TTC28: variants seen among roughly 807,000 people sequenced by gnomAD.
The protein encoded by TTC28 is tetratricopeptide repeat protein 28.
TTC28 carries 61 observed loss-of-function variants against 198.0 expected under a neutral mutation model. That is an observed-to-expected ratio of 0.31 (90% CI 0.25 to 0.38). The LOEUF is 0.38. Among genes scored for constraint, TTC28 ranks in the 10% least tolerant of loss-of-function variants. The pLI is 1.00. For synonymous variants in TTC28, 1,171 were observed against 1,297.8 expected, an observed-to-expected ratio of 0.90 and a Z score of 2.10; for missense variants, 2,678 against 3,164.0, an observed-to-expected ratio of 0.85 and a Z score of 3.69.
chr22:27,985,501 C>T (rs2080880982), intron 21 of TTC28, 145 bp from the exon 22 acceptor site: 4 of 636,038 alleles, frequency 6.3e-6, no homozygotes, highest in Non-Finnish European at 1.1e-5. Context: ...TTCCCCATGT[C>T]TGCACAGAGG....
chr22:28,341,745 G>A (rs1262167615), intron 2 of TTC28, among the ~76,000 whole-genome samples: 1 of 152,010 alleles, frequency 6.6e-6, no homozygotes. Flanking sequence ...AACCGAGATT[G>A]TGCCACTGCA....
At chr22:28,357,973 C>T (rs1439037329) in intron 2 of TTC28, among the ~76,000 whole-genome samples, 6 of 152,150 alleles carry the variant, frequency 3.9e-5, no homozygotes, top group African/African-American at 1.2e-4. Flanking sequence ...TAGGAAATAC[C>T]AAAATCAAAG....
chr22:28,593,178 A>G (rs970046780), intron 2 of TTC28, among the ~76,000 whole-genome samples: 4 of 152,142 alleles, frequency 2.6e-5, no homozygotes, highest in African/African-American at 9.7e-5. Flanking sequence ...GCAGTTTTCC[A>G]GTGAGCTTTT....
At chr22:28,326,893 G>C (rs1227170183) in intron 2 of TTC28, among the ~76,000 whole-genome samples, 1 of 151,490 alleles carries the variant, frequency 6.6e-6, no homozygotes, top group Non-Finnish European at 1.5e-5. Context: ...GTGGAAGATT[G>C]TTTTAAATAT....
chr22:28,329,113 G>A (rs147089513), intron 2 of TTC28, among the ~76,000 whole-genome samples: 11 of 152,140 alleles, frequency 7.2e-5, no homozygotes, highest in East Asian at 5.8e-4. Context: ...TGCTGCATCC[G>A]ACTTTCTTCT....
At chr22:28,139,067 G>A (rs550537067) in intron 6 of TTC28, among the ~76,000 whole-genome samples, 1 of 152,144 alleles carries the variant, frequency 6.6e-6, no homozygotes, top group Non-Finnish European at 1.5e-5. Context: ...GTTGGGGAGA[G>A]ATGGGGTGGA....
chr22:28,328,222 AG>A (rs1364453426), intron 2 of TTC28, among the ~76,000 whole-genome samples: 1 of 152,188 alleles, frequency 6.6e-6, no homozygotes, highest in Non-Finnish European at 1.5e-5. Flanking sequence ...GCTTGAGTCC[AG>A]GAGTTCAAGA....
At chr22:28,274,175 C>T (rs1019597160) in intron 5 of TTC28, among the ~76,000 whole-genome samples, 7 of 152,082 alleles carry the variant, frequency 4.6e-5, no homozygotes, top group East Asian at 3.9e-4. Flanking sequence ...AGGCAAGAAA[C>T]GCTAATGAGT....
chr22:28,403,300 T>C (rs1486577768), intron 2 of TTC28, among the ~76,000 whole-genome samples: 1 of 152,216 alleles, frequency 6.6e-6, no homozygotes, highest in African/African-American at 2.4e-5. Context: ...AAACATTTTG[T>C]CTTCATCACA....
Position 28,099,090 on chromosome 22 carries a change from G to A in TTC28, c.3418-46C>T, listed in dbSNP as rs1942062171. On this transcript the variant is annotated intron_variant, in intron 9 of 22. Coordinates refer to ENST00000397906, the MANE Select transcript of TTC28 (RefSeq NM_001145418.2). ...CATCATCCATTCCCCAGAAACCAAT[G>A]TCCAGCTGTTTACAGACTAGAGACA... 1.9e-6 allele frequency: 3 copies of A among 1,549,266 alleles called. No homozygotes were observed. In the Admixed American group the frequency reaches 5.9e-5, roughly 31 times the overall value.
At chr22:28,614,992 A>G (rs1286998395) in intron 2 of TTC28, among the ~76,000 whole-genome samples, 1 of 152,176 alleles carries the variant, frequency 6.6e-6, no homozygotes, top group Non-Finnish European at 1.5e-5. Flanking sequence ...AGAAACTATC[A>G]TCAGAGTGAA....
At chr22:28,483,000 T>C (rs1013501082) in intron 2 of TTC28, among the ~76,000 whole-genome samples, 3 of 152,338 alleles carry the variant, frequency 2.0e-5, no homozygotes, top group Middle Eastern at 3.4e-3. Context: ...TTTCTACCTA[T>C]TACCTGTTGT....
intron 12 of TTC28, among the ~76,000 whole-genome samples, chr22:28,039,064 T>C (rs1339778122): frequency 6.6e-6 from 1 of 152,216 alleles, no homozygotes; most frequent in African/African-American, 2.4e-5. Context: ...ACCTTTACAC[T>C]GTTGGTAGGA....
intron 2 of TTC28, among the ~76,000 whole-genome samples, chr22:28,383,170 T>C (rs192132753): frequency 2.8e-4 from 42 of 152,356 alleles, no homozygotes; most frequent in African/African-American, 9.6e-4. Flanking sequence ...CTGGCCATTA[T>C]TTCTCAGTTT....
At chr22:28,454,783 A>G (rs1417328850) in intron 2 of TTC28, among the ~76,000 whole-genome samples, 5 of 152,240 alleles carry the variant, frequency 3.3e-5, no homozygotes, top group Non-Finnish European at 2.9e-5. Context: ...ATCACTTGTC[A>G]AAAGTACAAT....
rs1012679774 is a variant in TTC28 at position 27,995,170 on chromosome 22, G to A, written c.5244+965C>T. Among the ~76,000 whole-genome samples the A allele has an allele frequency of 3.9e-5, 6 of 152,334 alleles. No individual in the cohort carries two copies. In the South Asian group the frequency reaches 6.2e-4, roughly 16 times the overall value. ...CAACCCACGGGCAAGAAGTTTGCAT[G>A]GCCCAGGAGACATGCTCACTCCCAG... On this transcript the variant is annotated intron_variant, in intron 17 of 22. Transcript: ENST00000397906.
chr22:28,655,864 A>G (rs902943601), intron 1 of TTC28, among the ~76,000 whole-genome samples: 5 of 151,738 alleles, frequency 3.3e-5, no homozygotes, highest in African/African-American at 1.2e-4. Flanking sequence ...AAAAAGAAAA[A>G]AAAAAAAAAA....
chr22:28,380,266 T>C (rs961733437), intron 2 of TTC28, among the ~76,000 whole-genome samples: 3 of 152,196 alleles, frequency 2.0e-5, no homozygotes, highest in Admixed American at 6.5e-5. Flanking sequence ...GTCTAACTCA[T>C]AGGAGAGAGA....
intron 1 of TTC28, among the ~76,000 whole-genome samples, chr22:28,648,201 G>A (rs1329129176): frequency 6.8e-6 from 1 of 146,644 alleles, no homozygotes; most frequent in Admixed American, 6.8e-5. Flanking sequence ...TCCAGCCTGG[G>A]CGACCAAACG....
Sources: allele counts gnomAD v4.1 joint callset (sites outside exome capture counted in the v4.1 genomes callset), GRCh38; gene constraint gnomAD v4.1.1; transcripts MANE v1.5; gene names NCBI Gene and HGNC (gene_info 2026-07-23, HGNC 2026-07-21).